Variants in GALNT13 observed in about 807,000 individuals in gnomAD.
GALNT13 encodes the protein polypeptide N-acetylgalactosaminyltransferase 13, also known as UDP-GalNAc:polypeptide N-acetylgalactosaminyltransferase 13.
In GALNT13, 28 loss-of-function variants were observed where a neutral mutation model predicts 64.2. The observed-to-expected ratio is 0.44, with a 90% CI of 0.32 to 0.60. The LOEUF (loss-of-function observed/expected upper bound fraction) is 0.60. Ranked by LOEUF, GALNT13 falls within the 20% of genes least tolerant of loss-of-function variation. GALNT13 has a pLI of 0.05. For missense variants in GALNT13, 577 were observed against 669.8 expected (o/e 0.86, Z 1.53); for synonymous variants, 214 against 224.6 (o/e 0.95, Z 0.42).
At chr2:153,575,966 T>C in the GALNT13 span, among the ~76,000 whole-genome samples, 2 of 152,146 alleles carry the variant, frequency 1.3e-5, no homozygotes, top group African/African-American at 4.8e-5. Context: ...TAGTAGGCGA[T>C]GAATGCTGCC....
rs1365378310 is a variant in GALNT13 at position 154,037,445 on chromosome 2, A to T, written c.142+92806A>T. On this transcript the variant is annotated intron_variant, in intron 3 of 12. Coordinates refer to ENST00000392825, the MANE Select transcript of GALNT13 (RefSeq NM_052917.4). ...TGAAAGCATTCCCTCTAAACACTGGAACTAGACAAGGATGCCTCCTTTCAC... is the reference window on the plus strand; with the variant it reads ...TGAAAGCATTCCCTCTAAACACTGGTACTAGACAAGGATGCCTCCTTTCAC... 2.6e-5 allele frequency among the ~76,000 whole-genome samples: 4 copies of T among 152,152 alleles called. No individual in the cohort carries two copies. In the East Asian group the frequency reaches 7.7e-4, roughly 29 times the overall value.
chr2:153,075,919 T>C, the GALNT13 span, among the ~76,000 whole-genome samples: 8,509 of 152,184 alleles, frequency 0.056, 431 homozygotes, highest in African/African-American at 0.14. Flanking sequence ...AAATGTAAAC[T>C]GGGAATCACT....
At chr2:153,706,061 A>G in the GALNT13 span, among the ~76,000 whole-genome samples, 4 of 151,916 alleles carry the variant, frequency 2.6e-5, no homozygotes, top group Non-Finnish European at 5.9e-5. Context: ...CAGTGGTGCG[A>G]TCTTGGCTTA....
the GALNT13 span, among the ~76,000 whole-genome samples, chr2:153,820,342 A>G: frequency 1.3e-5 from 2 of 152,192 alleles, no homozygotes; most frequent in Non-Finnish European, 2.9e-5. Context: ...TTTCCCTAAT[A>G]TGGTTAGAGA....
At position 153,956,229 on chromosome 2, in the gene GALNT13, G is replaced by T. The variant is rs146170001; in HGVS notation, c.142+11590G>T. On this transcript the variant is annotated intron_variant, in intron 3 of 12. Coordinates refer to ENST00000392825, the MANE Select transcript of GALNT13 (RefSeq NM_052917.4). ...CACAACAGCAGTCATAATCAGAGGAGAAAAACTCAAAGGAGCTGACAAAAA... is the reference window on the plus strand; with the variant it reads ...CACAACAGCAGTCATAATCAGAGGATAAAAACTCAAAGGAGCTGACAAAAA... 3.5e-4 allele frequency among the ~76,000 whole-genome samples: 53 copies of T among 152,254 alleles called. 2 individuals are homozygous for T. The Middle Eastern group carries it at 0.017, about 49-fold the overall frequency.
the GALNT13 span, among the ~76,000 whole-genome samples, chr2:153,230,776 T>C: frequency 6.6e-6 from 1 of 152,200 alleles, no homozygotes; most frequent in Non-Finnish European, 1.5e-5. Flanking sequence ...ATTCCACCTT[T>C]TGACACTGGC....
the GALNT13 span, among the ~76,000 whole-genome samples, chr2:153,475,648 G>A: frequency 6.6e-6 from 1 of 152,140 alleles, no homozygotes; most frequent in Admixed American, 6.5e-5. Context: ...GCCTCCGCGT[G>A]TCTGAAACTC....
In GALNT13 at chr2:154,450,398, TTATC is replaced by T; in HGVS notation, c.1531-11_1531-8del. On this transcript the variant is annotated splice_polypyrimidine_tract_variant and intron_variant, in intron 12 of 12. Transcript: ENST00000392825. ...CGAAATAAGCTGCACTGATTATTGGTTATCTTTTACAGAGACTCACGTTGCGACA... is the reference window on the plus strand; with the variant it reads ...CGAAATAAGCTGCACTGATTATTGGTTTTTACAGAGACTCACGTTGCGACA... 1 of 1,603,158 alleles carries T rather than the reference TTATC, an allele frequency of 6.2e-7. No individual in the cohort carries two copies. Among genetic ancestry groups the T allele is most frequent in the Non-Finnish European group, 8.5e-7 (1 of 1,175,570 alleles).
the GALNT13 span, among the ~76,000 whole-genome samples, chr2:153,815,084 T>C: frequency 6.6e-6 from 1 of 152,220 alleles, no homozygotes; most frequent in Non-Finnish European, 1.5e-5. Flanking sequence ...TATTGCCTAC[T>C]CTTTGCTAAA....
At chr2:154,298,581 A>G (rs1693124521) in intron 8 of GALNT13, among the ~76,000 whole-genome samples, 1 of 42,634 alleles carries the variant, frequency 2.3e-5, no homozygotes, top group South Asian at 1.0e-3. Context: ...TAAATTGTAT[A>G]TATAATTTAT....
At chr2:153,880,436 A>T (rs976731503) in intron 1 of GALNT13, among the ~76,000 whole-genome samples, 2 of 152,074 alleles carry the variant, frequency 1.3e-5, no homozygotes, top group Admixed American at 6.5e-5. Context: ...TGAATTCTAA[A>T]CCCCCAATAA....
At position 154,051,279 on chromosome 2, in the gene GALNT13, C is replaced by CTTT. The variant is rs34890901; in HGVS notation, c.143-89038_143-89036dup. On this transcript the variant is annotated intron_variant, in intron 3 of 12. Coordinates refer to ENST00000392825, the MANE Select transcript of GALNT13 (RefSeq NM_052917.4). ...GGTGGTGATAATTATCTTACTCCTT[C>CTTT]TTTTTTTTTTTTTTTTTTTTTTGAG... 7.4e-3 allele frequency among the ~76,000 whole-genome samples: 755 copies of CTTT among 102,216 alleles called. 2 individuals are homozygous for CTTT. Among genetic ancestry groups the CTTT allele is most frequent in the East Asian group, 0.012 (40 of 3,436 alleles). The allele number at this position is 102,216 out of a possible 152,430, so 67.1% of individuals were successfully genotyped here.
the GALNT13 span, among the ~76,000 whole-genome samples, chr2:153,662,237 G>T: frequency 6.6e-6 from 1 of 152,108 alleles, no homozygotes; most frequent in Non-Finnish European, 1.5e-5. Flanking sequence ...TCCAAATTGG[G>T]ATAACTCTAA....
At chr2:154,222,814 G>A (rs944526898) in intron 4 of GALNT13, among the ~76,000 whole-genome samples, 2 of 152,144 alleles carry the variant, frequency 1.3e-5, no homozygotes, top group African/African-American at 4.8e-5. Flanking sequence ...AGTTGGATTC[G>A]AAAGAGAAGC....
intron 9 of GALNT13, among the ~76,000 whole-genome samples, chr2:154,340,685 A>C (rs1339521273): frequency 6.6e-6 from 1 of 152,138 alleles, no homozygotes; most frequent in Non-Finnish European, 1.5e-5. Flanking sequence ...CATATGACAA[A>C]GTCCATGGGA....
chr2:153,249,985 T>C, the GALNT13 span, among the ~76,000 whole-genome samples: 1 of 152,102 alleles, frequency 6.6e-6, no homozygotes, highest in Non-Finnish European at 1.5e-5. Flanking sequence ...GTCATAAGAT[T>C]TCATGAATAA....
At chr2:154,263,293 A>G (rs1690803575) in intron 8 of GALNT13, among the ~76,000 whole-genome samples, 2 of 152,200 alleles carry the variant, frequency 1.3e-5, no homozygotes, top group Admixed American at 6.5e-5. Flanking sequence ...AAACAGAAAG[A>G]TAACAGTACT....
chr2:153,954,500 A>G (rs1692430340), intron 3 of GALNT13, among the ~76,000 whole-genome samples: 1 of 151,722 alleles, frequency 6.6e-6, no homozygotes, highest in Non-Finnish European at 1.5e-5. Context: ...TCCACAATTC[A>G]CTCTGACCCT....
At chr2:154,387,265 A>G (rs1698557834) in intron 9 of GALNT13, among the ~76,000 whole-genome samples, 1 of 152,088 alleles carries the variant, frequency 6.6e-6, no homozygotes, top group Non-Finnish European at 1.5e-5. Context: ...AACCTCTGAA[A>G]CAATACAGTA....
Sources: allele counts gnomAD v4.1 joint callset (sites outside exome capture counted in the v4.1 genomes callset), GRCh38; gene constraint gnomAD v4.1.1; transcripts MANE v1.5; gene names NCBI Gene and HGNC (gene_info 2026-07-23, HGNC 2026-07-21).